GIPC2: variants seen among roughly 807,000 people sequenced by gnomAD.
The protein encoded by GIPC2 is GIPC PDZ domain containing family member 2, also known as PDZ domain-containing protein GIPC2.
A neutral mutation model predicts 30.6 loss-of-function variants in GIPC2; 30 were observed. The ratio of observed to expected loss-of-function variants is 0.98; its 90% CI spans 0.73 to 1.33. GIPC2 has a LOEUF of 1.33. Ranked by LOEUF, GIPC2 falls within the 40% of genes most tolerant of loss-of-function variation. The pLI, the probability that GIPC2 is intolerant of heterozygous loss-of-function variation, is 0.00. For missense variants in GIPC2, 414 were observed against 390.3 expected, an observed-to-expected ratio of 1.06 and a Z score of -0.51; for synonymous variants, 167 against 150.0, an observed-to-expected ratio of 1.11 and a Z score of -0.83.
At position 78,137,891 on chromosome 1, in the gene GIPC2, T is replaced by C. The variant is rs1663035360; in HGVS notation, c.*2148T>C. On this transcript the variant is annotated 3_prime_UTR_variant, in exon 6 of 6. Coordinates refer to ENST00000370759, the MANE Select transcript of GIPC2 (RefSeq NM_017655.6). Reference sequence around the variant, plus strand: ...AGTGCAGTCACATAATATATAAGTGTGGGATACCCTTCTGCAGCTTCAGTG... The same window carrying C: ...AGTGCAGTCACATAATATATAAGTGCGGGATACCCTTCTGCAGCTTCAGTG... 2 of 152,180 alleles carry C rather than the reference T, an allele frequency of 1.3e-5. No individual in the cohort carries two copies. Among genetic ancestry groups the C allele is most frequent in the Admixed American group, 6.5e-5 (1 of 15,272 alleles). 9.4% of individuals were successfully genotyped at this position (152,180 alleles called of 1,614,324 possible).
intron 2 of GIPC2, chr1:78,094,708 C>CT: frequency 3.6e-6 from 1 of 277,348 alleles, no homozygotes; most frequent in Non-Finnish European, 6.8e-6. Flanking sequence ...GTTGCTCAGT[C>CT]TTCCATCTCT....
intron 2 of GIPC2, among the ~76,000 whole-genome samples, chr1:78,085,988 T>C (rs1394943730): frequency 6.6e-6 from 1 of 151,880 alleles, no homozygotes; most frequent in Non-Finnish European, 1.5e-5. Flanking sequence ...TTTTTGCGTC[T>C]CTAGTTCTCT....
intron 5 of GIPC2, among the ~76,000 whole-genome samples, chr1:78,133,586 T>C (rs1662942183): frequency 6.6e-6 from 1 of 152,184 alleles, no homozygotes; most frequent in Non-Finnish European, 1.5e-5. Flanking sequence ...GAGGTTATCC[T>C]GGGCAAAGGC....
chr1:78,055,691 AAG>A (rs1459022211), intron 1 of GIPC2, among the ~76,000 whole-genome samples: 1 of 152,220 alleles, frequency 6.6e-6, no homozygotes, highest in Admixed American at 6.5e-5. Flanking sequence ...CTTCCTAAGA[AAG>A]AGTCTTTGTT....
intron 1 of GIPC2, among the ~76,000 whole-genome samples, chr1:78,063,736 T>C (rs1661448690): frequency 6.6e-6 from 1 of 151,282 alleles, no homozygotes; most frequent in East Asian, 2.0e-4. Context: ...ATACAAAAAT[T>C]TGCCGGGTGT....
intron 3 of GIPC2, among the ~76,000 whole-genome samples, chr1:78,106,167 G>A (rs1361617202): frequency 2.6e-5 from 4 of 151,280 alleles, no homozygotes; most frequent in South Asian, 2.1e-4. Context: ...CCTGGGAGGC[G>A]GAGGTTGCAA....
intron 1 of GIPC2, among the ~76,000 whole-genome samples, chr1:78,061,325 C>T (rs920448507): frequency 6.6e-6 from 1 of 152,126 alleles, no homozygotes; most frequent in African/African-American, 2.4e-5. Context: ...GGCTCTGTCA[C>T]TGCTTGTCTG....
intron 4 of GIPC2, among the ~76,000 whole-genome samples, chr1:78,121,381 G>T (rs1662680582): frequency 6.6e-6 from 1 of 152,142 alleles, no homozygotes; most frequent in Non-Finnish European, 1.5e-5. Flanking sequence ...TGCTGTCTGG[G>T]TTCCTATGTG....
At chr1:78,055,949 A>C in intron 1 of GIPC2, among the ~76,000 whole-genome samples, 1 of 152,032 alleles carries the variant, frequency 6.6e-6, no homozygotes, top group Non-Finnish European at 1.5e-5. Flanking sequence ...ACCTTTATGC[A>C]TTGTTCTCTT....
intron 4 of GIPC2, among the ~76,000 whole-genome samples, chr1:78,125,055 A>G (rs1245687348): frequency 2.0e-5 from 3 of 152,154 alleles, no homozygotes; most frequent in African/African-American, 7.2e-5. Context: ...TCTCTGAGAC[A>G]GGGTCTTGTC....
intron 5 of GIPC2, among the ~76,000 whole-genome samples, chr1:78,133,026 T>C (rs1662929105): frequency 6.6e-6 from 1 of 152,214 alleles, no homozygotes; most frequent in African/African-American, 2.4e-5. Flanking sequence ...TTCTGGCTAC[T>C]CTTCTTTTAC....
intron 1 of GIPC2, among the ~76,000 whole-genome samples, chr1:78,069,436 C>T (rs922494809): frequency 9.2e-5 from 14 of 151,352 alleles, no homozygotes; most frequent in African/African-American, 3.4e-4. Flanking sequence ...CCTTTTCTCC[C>T]AGATCATTTG....
rs1281012524 is a variant in GIPC2, at chr1:78,101,087, TGA to T, written c.607+5959_607+5960del. Among the ~76,000 whole-genome samples, 5 of 152,068 alleles carry T rather than the reference TGA, an allele frequency of 3.3e-5. No homozygotes were observed. The South Asian group carries it at 8.3e-4, about 25-fold the overall frequency. ...AAGCTATGGAAATAGATTCAATCAC[TGA>T]GAGTGATAAAAGGACCAAAAACAGA... On this transcript the variant is annotated intron_variant, in intron 3 of 5. Coordinates refer to ENST00000370759, the MANE Select transcript of GIPC2 (RefSeq NM_017655.6).
In GIPC2 at chr1:78,135,793, T is replaced by TC; in HGVS notation, c.*50_*51insC. Reference sequence around the variant, plus strand: ...ACAACCCATCGTTCTTTTTTTTCTCTTTTTTAAAAAGTCCTATAAGATCTG... The same window carrying TC: ...ACAACCCATCGTTCTTTTTTTTCTCTCTTTTTAAAAAGTCCTATAAGATCTG... On this transcript the variant is annotated 3_prime_UTR_variant, in exon 6 of 6. Transcript: ENST00000370759. 3 of 1,515,690 alleles carry TC rather than the reference T, an allele frequency of 2.0e-6. 1 individual carries two copies. The South Asian group carries it at 3.7e-5, about 19-fold the overall frequency. The allele number at this position is 1,515,690 out of a possible 1,614,324, so 93.9% of individuals were successfully genotyped here.
rs752060100 is a variant in GIPC2, at chr1:78,046,249, G to T, written c.155G>T (p.Ser52Ile). ...TTCCACGCGCAGCTGGCGCACGGTAGTGCCACGGGCCGAGTGGAGGGCTTC... is the reference window on the plus strand; with the variant it reads ...TTCCACGCGCAGCTGGCGCACGGTATTGCCACGGGCCGAGTGGAGGGCTTC... ...LVFHAQLAHG[S>I]ATGRVEGFSS... is the part of the protein sequence containing the mutation. The change falls in exon 1 of 6, where the codon AGT becomes ATT. Residue 52 changes from serine (S) to isoleucine (I), a missense_variant. Transcript: ENST00000370759. 2 of 1,610,272 alleles carry T rather than the reference G, an allele frequency of 1.2e-6. No homozygotes were observed. The highest frequency in any genetic ancestry group is 1.7e-6 in the Non-Finnish European group (2 of 1,178,878).
intron 3 of GIPC2, among the ~76,000 whole-genome samples, chr1:78,110,833 T>C (rs1358277184): frequency 6.6e-6 from 1 of 152,222 alleles, no homozygotes; most frequent in Non-Finnish European, 1.5e-5. Flanking sequence ...GAATGAAGCA[T>C]GGGAGCCCAC....
intron 1 of GIPC2, among the ~76,000 whole-genome samples, chr1:78,053,583 C>T (rs1028448296): frequency 9.9e-5 from 15 of 151,872 alleles, no homozygotes; most frequent in African/African-American, 3.6e-4. Context: ...AAAGAGGCAG[C>T]CTGAATTTGG....
chr1:78,107,862 T>C (rs1571513996), intron 3 of GIPC2, among the ~76,000 whole-genome samples: 1 of 126,934 alleles, frequency 7.9e-6, no homozygotes, highest in South Asian at 2.9e-4. Flanking sequence ...AAAAAAGAGC[T>C]AGCATTCTAG....
At chr1:78,098,245 C>T (rs1483680740) in intron 3 of GIPC2, among the ~76,000 whole-genome samples, 3 of 152,130 alleles carry the variant, frequency 2.0e-5, no homozygotes, top group Non-Finnish European at 4.4e-5. Context: ...ACATACATAG[C>T]TGTTTGGCAG....
Sources: gnomAD v4.1 joint callset for allele counts (sites outside exome capture counted in the v4.1 genomes callset) on GRCh38, gnomAD v4.1.1 for gene constraint, MANE v1.5 for transcripts, NCBI Gene and HGNC (gene_info 2026-07-23, HGNC 2026-07-21) for gene names.